CCDC138: variants seen among roughly 807,000 people sequenced by gnomAD.
The protein encoded by CCDC138 is coiled-coil domain containing 138.
Under a neutral mutation model 82.3 loss-of-function variants are expected in CCDC138, and 66 were observed. The ratio of observed to expected loss-of-function variants is 0.80; its 90% CI spans 0.66 to 0.98. CCDC138 has a LOEUF of 0.98. Ranked by LOEUF, CCDC138 falls within the 50% of genes least tolerant of loss-of-function variation. The pLI is 0.00. For missense variants in CCDC138, 816 were observed against 758.9 expected (o/e 1.08, Z -0.88); for synonymous variants, 297 against 265.4 (o/e 1.12, Z -1.16).
chr2:108,788,219 G>A (rs888533558), intron 2 of CCDC138, 130 bp downstream of exon 2: 2 of 830,164 alleles, frequency 2.4e-6, no homozygotes, highest in African/African-American at 1.8e-5. Context: ...AGGAGTTCGA[G>A]ACCACTCAGG....
chr2:108,810,312 A>C (rs1683577931), intron 7 of CCDC138, among the ~76,000 whole-genome samples: 1 of 152,130 alleles, frequency 6.6e-6, no homozygotes, highest in Admixed American at 6.6e-5. Flanking sequence ...GTTGAAGTAC[A>C]TTCCTTCTGT....
chr2:108,847,515 G>A (rs992867174), intron 12 of CCDC138, among the ~76,000 whole-genome samples: 5 of 152,164 alleles, frequency 3.3e-5, no homozygotes, highest in Admixed American at 6.5e-5. Flanking sequence ...TGCACCTAGT[G>A]TAGTGCTTCA....
chr2:108,811,208 C>A (rs541549597), intron 7 of CCDC138, among the ~76,000 whole-genome samples: 6 of 142,232 alleles, frequency 4.2e-5, no homozygotes, highest in Non-Finnish European at 7.6e-5. Context: ...CCTTCCCTTG[C>A]TACTATTTCT....
intron 9 of CCDC138, among the ~76,000 whole-genome samples, 167 bp downstream of exon 9, chr2:108,813,094 A>G (rs1401449048): frequency 6.6e-6 from 1 of 151,780 alleles, no homozygotes; most frequent in African/African-American, 2.4e-5. Flanking sequence ...CTAAAAATAC[A>G]GAAAATTAGC....
intron 7 of CCDC138, among the ~76,000 whole-genome samples, chr2:108,805,596 G>A (rs1682731095): frequency 2.6e-5 from 4 of 151,982 alleles, no homozygotes; most frequent in South Asian, 4.2e-4. Flanking sequence ...GCGTGATGGC[G>A]GGCGCCTGTA....
At chr2:108,849,415 C>T (rs767578130) in intron 12 of CCDC138, among the ~76,000 whole-genome samples, 2 of 152,148 alleles carry the variant, frequency 1.3e-5, no homozygotes, top group Non-Finnish European at 2.9e-5. Flanking sequence ...CCTCTAGATA[C>T]ATGTGTGCCA....
chr2:108,821,330 C>A (rs946983742), intron 10 of CCDC138, among the ~76,000 whole-genome samples: 2 of 152,032 alleles, frequency 1.3e-5, no homozygotes, highest in African/African-American at 4.8e-5. Flanking sequence ...TGCACTCCAG[C>A]CTGGGCAACA....
At chr2:108,857,142 G>A (rs1454663813) in intron 13 of CCDC138, among the ~76,000 whole-genome samples, 172 bp downstream of exon 13, 2 of 116,110 alleles carry the variant, frequency 1.7e-5, no homozygotes, top group African/African-American at 3.3e-5. Flanking sequence ...GCAGTGGCAC[G>A]ATCTCAGCTC....
rs567222702 is a variant in CCDC138, at chr2:108,863,132, C to T, written c.1693+6162C>T. On this transcript the variant is annotated intron_variant, in intron 13 of 14. Coordinates refer to ENST00000295124, the MANE Select transcript of CCDC138 (RefSeq NM_144978.3). ...TACTATTTTTCATTGACAAGTTTTT[C>T]TTGATTTGAACAACATAATTTCTTC... Among the ~76,000 whole-genome samples, 7 of 152,190 alleles carry T rather than the reference C, an allele frequency of 4.6e-5. No homozygotes were observed. The East Asian group carries it at 1.3e-3, about 29-fold the overall frequency.
chr2:108,810,776 A>T lies in CCDC138; in HGVS notation c.856-1855A>T, dbSNP rs144052040. Among the ~76,000 whole-genome samples, 1,384 of 152,310 alleles carry T rather than the reference A, an allele frequency of 9.1e-3. 13 individuals carry two copies. Among genetic ancestry groups the T allele is most frequent in the Middle Eastern group, 0.031 (9 of 294 alleles). On this transcript the variant is annotated intron_variant, in intron 7 of 14. Transcript: ENST00000295124. The stretch of plus-strand genomic sequence containing the variant: ...AATTCAGCAGTGAAGTCATTGAGTG[A>T]ATTTAAAAGTACAGTTCAGCAGTGA...
intron 10 of CCDC138, among the ~76,000 whole-genome samples, chr2:108,824,481 T>A (rs1686232345): frequency 6.6e-6 from 1 of 152,196 alleles, no homozygotes; most frequent in African/African-American, 2.4e-5. Flanking sequence ...TACATTTTGT[T>A]CCACTGGAAG....
At chr2:108,837,569 A>G (rs571952057) in intron 10 of CCDC138, among the ~76,000 whole-genome samples, 18 of 152,350 alleles carry the variant, frequency 1.2e-4, no homozygotes. Flanking sequence ...TTGTGACATC[A>G]TAGCTGTCAT....
chr2:108,846,923 C>CTCAA lies in CCDC138; in HGVS notation c.1509_1510insTCAA (p.Thr504SerfsTer5). 2 of 1,580,842 alleles carry CTCAA rather than the reference C, an allele frequency of 1.3e-6. No individual in the cohort carries two copies. The highest frequency in any genetic ancestry group is 8.7e-7 in the Non-Finnish European group (1 of 1,152,248). On this transcript the variant is annotated frameshift_variant, in exon 12 of 15. Transcript: ENST00000295124. LOFTEE classifies it high-confidence loss of function. The stretch of plus-strand genomic sequence containing the variant: ...CAACCTTAATTGTTCTCAAAACAGT[C>CTCAA]ACTCAAGGTAAGCTTTCAATTGTAC...
chr2:108,870,765 G>T (rs1695111803), intron 13 of CCDC138, among the ~76,000 whole-genome samples: 1 of 152,212 alleles, frequency 6.6e-6, no homozygotes, highest in South Asian at 2.1e-4. Context: ...TATATGAGGT[G>T]CCTGGAGTAG....
At chr2:108,874,309 A>G (rs570220868) in intron 14 of CCDC138, among the ~76,000 whole-genome samples, 3 of 152,226 alleles carry the variant, frequency 2.0e-5, no homozygotes, top group African/African-American at 7.2e-5. Flanking sequence ...TACTGCCACT[A>G]ATTTGGATTT....
rs559766680 is a variant in CCDC138 at position 108,787,535 on chromosome 2, TA to T, written c.94-496del. Among the ~76,000 whole-genome samples, 422 of 152,330 alleles carry T rather than the reference TA, an allele frequency of 2.8e-3. 1 individual carries two copies. Among genetic ancestry groups the T allele is most frequent in the Non-Finnish European group, 4.7e-3 (317 of 68,028 alleles). On this transcript the variant is annotated intron_variant, in intron 1 of 14. Transcript: ENST00000295124. ...TTCAGGAAATTTAGAATTGGTATAA[TA>T]TTTGGTAATCTAGAGTTCATAAGAA... is the stretch of plus-strand genomic sequence containing the variant.
chr2:108,867,871 C>T (rs894908116), intron 13 of CCDC138, among the ~76,000 whole-genome samples: 1 of 152,148 alleles, frequency 6.6e-6, no homozygotes, highest in Non-Finnish European at 1.5e-5. Flanking sequence ...ACATTTTTGT[C>T]CCGTGTAATA....
At chr2:108,827,868 G>A (rs1258831343) in intron 10 of CCDC138, among the ~76,000 whole-genome samples, 1 of 150,574 alleles carries the variant, frequency 6.6e-6, no homozygotes, top group Non-Finnish European at 1.5e-5. Context: ...CATACTTTTG[G>A]ATCACTGTTC....
At chr2:108,799,159 C>T (rs775917868) in intron 6 of CCDC138, among the ~76,000 whole-genome samples, 1 of 152,118 alleles carries the variant, frequency 6.6e-6, no homozygotes, top group African/African-American at 2.4e-5. Context: ...ACCTCACCAT[C>T]TTTGAAGAAT....
Sources: gnomAD v4.1 joint callset for allele counts (sites outside exome capture counted in the v4.1 genomes callset) on GRCh38, gnomAD v4.1.1 for gene constraint, MANE v1.5 for transcripts, NCBI Gene and HGNC (gene_info 2026-07-23, HGNC 2026-07-21) for gene names.